Variants in CMTM4 observed in about 807,000 individuals in gnomAD.
The protein encoded by CMTM4 is CKLF like MARVEL transmembrane domain containing 4.
CMTM4 carries 8 observed loss-of-function variants against 19.0 expected under a neutral mutation model. The ratio of observed to expected loss-of-function variants is 0.42; its 90% CI spans 0.25 to 0.76. The LOEUF is 0.76. CMTM4 is among the 30% of genes least tolerant of loss of function. CMTM4 has a pLI of 0.27. For missense variants in CMTM4, 228 were observed against 290.2 expected (o/e 0.79, Z 1.56); for synonymous variants, 106 against 121.1 (o/e 0.88, Z 0.82).
intron 1 of CMTM4, among the ~76,000 whole-genome samples, chr16:66,695,336 C>G (rs2017212803): frequency 6.6e-6 from 1 of 151,736 alleles, no homozygotes; most frequent in South Asian, 2.1e-4. Context: ...GACAGAGACC[C>G]GGTCTCAAAA....
intron 2 of CMTM4, among the ~76,000 whole-genome samples, chr16:66,634,458 A>C (rs1021656953): frequency 1.9e-4 from 29 of 148,846 alleles, no homozygotes; most frequent in Admixed American, 2.0e-4. Flanking sequence ...AAAAAAAAAA[A>C]CCCAAAAACA....
chr16:66,607,513 C>T, the CMTM4 span, among the ~76,000 whole-genome samples: 1 of 152,174 alleles, frequency 6.6e-6, no homozygotes, highest in Non-Finnish European at 1.5e-5. Flanking sequence ...TCTTTTAACA[C>T]AAAATAAATT....
intron 1 of CMTM4, among the ~76,000 whole-genome samples, chr16:66,643,697 G>A (rs2016137899): frequency 6.6e-6 from 1 of 152,018 alleles, no homozygotes; most frequent in South Asian, 2.1e-4. Flanking sequence ...AGAATTCCAG[G>A]GTGTGTAGGG....
chr16:66,677,069 T>C (rs937838204), intron 1 of CMTM4, among the ~76,000 whole-genome samples: 3 of 152,084 alleles, frequency 2.0e-5, no homozygotes, highest in African/African-American at 7.2e-5. Context: ...GTTAAGACCC[T>C]GTCTCTACAA....
chr16:66,672,940 T>TG (rs1203819353), intron 1 of CMTM4, among the ~76,000 whole-genome samples: 10 of 143,970 alleles, frequency 6.9e-5, no homozygotes, highest in Non-Finnish European at 1.5e-4. Flanking sequence ...TTTTTTTTTT[T>TG]GAGACGGAGT....
At chr16:66,680,490 AAAG>A (rs1284725989) in intron 1 of CMTM4, among the ~76,000 whole-genome samples, 1 of 148,112 alleles carries the variant, frequency 6.8e-6, no homozygotes, top group Non-Finnish European at 1.5e-5. Flanking sequence ...AAAAAAAAAA[AAAG>A]GTCGGGCATG....
rs575619806 is a variant in CMTM4, at chr16:66,619,789, G to A, written c.*2269C>T. 5 of 985,148 alleles carry A rather than the reference G, an allele frequency of 5.1e-6. No homozygotes were observed. The highest frequency in any genetic ancestry group is 1.2e-4 in the Admixed American group (2 of 16,262). 61.0% of individuals were successfully genotyped at this position (985,148 alleles called of 1,614,324 possible). On this transcript the variant is annotated 3_prime_UTR_variant, in exon 4 of 4. Transcript: ENST00000394106. ...CAAGGAGAACATTTACAAAACCACCGAGGAGCCTCACGGCACAAAGGATAT... is the reference window on the plus strand; with the variant it reads ...CAAGGAGAACATTTACAAAACCACCAAGGAGCCTCACGGCACAAAGGATAT...
chr16:66,665,600 T>C (rs1016693402), intron 1 of CMTM4, among the ~76,000 whole-genome samples: 5 of 151,930 alleles, frequency 3.3e-5, no homozygotes, highest in Admixed American at 6.6e-5. Context: ...CAAAACTAGC[T>C]GGGTGTGGTG....
At chr16:66,677,485 A>T (rs1041298818) in intron 1 of CMTM4, among the ~76,000 whole-genome samples, 1 of 152,230 alleles carries the variant, frequency 6.6e-6, no homozygotes, top group Non-Finnish European at 1.5e-5. Flanking sequence ...GAGAATCTGA[A>T]TGGGAAAGTG....
intron 1 of CMTM4, among the ~76,000 whole-genome samples, chr16:66,664,020 C>T (rs1255062964): frequency 6.6e-6 from 1 of 152,072 alleles, no homozygotes; most frequent in East Asian, 1.9e-4. Context: ...ATCACCTGAG[C>T]TCAGGAGTTT....
intron 2 of CMTM4, among the ~76,000 whole-genome samples, chr16:66,631,126 G>A (rs2015853265): frequency 6.9e-6 from 1 of 145,646 alleles, no homozygotes; most frequent in Non-Finnish European, 1.5e-5. Flanking sequence ...GGGAAGTGAG[G>A]AGCGTCTCTG....
rs1438966153 is a variant in CMTM4 at position 66,616,001 on chromosome 16, G to A, written c.*6057C>T. On this transcript the variant is annotated 3_prime_UTR_variant, in exon 4 of 4. Transcript: ENST00000394106. ...AAGATGCAGGAGAAGCAGCAGCAGA[G>A]AGGAAAGAGGAATAGCCAGGGAATT... 2.6e-5 allele frequency: 4 copies of A among 152,244 alleles called. No homozygotes were observed. Among genetic ancestry groups the A allele is most frequent in the African/African-American group, 2.4e-5 (1 of 41,560 alleles). 9.4% of individuals were successfully genotyped at this position (152,244 alleles called of 1,614,324 possible).
rs1221740118 is a variant in CMTM4, at chr16:66,616,445, T to A, written c.*5613A>T. The A allele has an allele frequency of 6.6e-6, 1 of 152,212 alleles. No homozygotes were observed. The highest frequency in any genetic ancestry group is 1.9e-4 in the East Asian group (1 of 5,190). 9.4% of individuals were successfully genotyped at this position (152,212 alleles called of 1,614,324 possible). A position where few individuals can be genotyped will look rare whatever the true frequency, so the allele number is the denominator to read the frequency against. The stretch of plus-strand genomic sequence containing the variant: ...ATCAAGTTAGGAAAAGCACTGATTT[T>A]ATCCAAGTAGGTCAATTTGAGGCAA... On this transcript the variant is annotated 3_prime_UTR_variant, in exon 4 of 4. Transcript: ENST00000394106.
chr16:66,662,403 G>A (rs1263556017), intron 1 of CMTM4, among the ~76,000 whole-genome samples: 1 of 152,170 alleles, frequency 6.6e-6, no homozygotes, highest in African/African-American at 2.4e-5. Flanking sequence ...TATAGATAGG[G>A]AGTCCAGGAC....
intron 1 of CMTM4, among the ~76,000 whole-genome samples, chr16:66,640,860 A>C (rs2016087060): frequency 6.6e-6 from 1 of 152,056 alleles, no homozygotes; most frequent in Non-Finnish European, 1.5e-5. Flanking sequence ...GGTGCCAAGA[A>C]CTAAAGCCTC....
chr16:66,620,738 A>G lies in CMTM4; in HGVS notation c.*1320T>C. ...GCTAAACACAAAATGTTAGAGCTAA[A>G]GTGAGGTTTGTAAACATTAAAAACA... On this transcript the variant is annotated 3_prime_UTR_variant, in exon 4 of 4. Coordinates refer to ENST00000394106, the MANE Select transcript of CMTM4 (RefSeq NM_181521.3). 1 of 985,872 alleles carries G rather than the reference A, an allele frequency of 1.0e-6. No homozygotes were observed. Among genetic ancestry groups the G allele is most frequent in the Non-Finnish European group, 1.2e-6 (1 of 829,936 alleles). The allele number at this position is 985,872 out of a possible 1,614,324, so 61.1% of individuals were successfully genotyped here.
At chr16:66,604,943 G>T in the CMTM4 span, 1 of 1,504,020 alleles carries the variant, frequency 6.6e-7, no homozygotes, top group East Asian at 2.8e-5. Flanking sequence ...GCCTCCTGCT[G>T]GCCGAGTCGG....
intron 1 of CMTM4, among the ~76,000 whole-genome samples, chr16:66,646,186 T>C (rs2016192789): frequency 6.6e-6 from 1 of 152,120 alleles, no homozygotes; most frequent in Admixed American, 6.5e-5. Context: ...AAAATAAGCA[T>C]ATTTGTGTTT....
intron 1 of CMTM4, among the ~76,000 whole-genome samples, chr16:66,687,128 G>T (rs1384613575): frequency 7.1e-6 from 1 of 141,100 alleles, no homozygotes; most frequent in African/African-American, 2.6e-5. Flanking sequence ...ACCCACTATT[G>T]TGCAGAATGC....
Sources: gnomAD v4.1 joint callset for allele counts (sites outside exome capture counted in the v4.1 genomes callset) on GRCh38, gnomAD v4.1.1 for gene constraint, MANE v1.5 for transcripts, NCBI Gene and HGNC (gene_info 2026-07-23, HGNC 2026-07-21) for gene names.